The following NFX1 variants were observed in gnomAD, a reference collection of about 807,000 sequenced individuals.
NFX1 encodes nuclear transcription factor, X-box binding 1.
NFX1 carries 69 observed loss-of-function variants against 137.2 expected under a neutral mutation model. The ratio of observed to expected loss-of-function variants is 0.50; its 90% CI spans 0.41 to 0.61. The LOEUF is 0.61. NFX1 is among the 20% of genes least tolerant of loss of function. The probability of loss-of-function intolerance (pLI) is 0.00; values close to 1 mark genes in which losing one functional copy is unlikely to be tolerated. For synonymous variants in NFX1, 495 were observed against 474.1 expected (o/e 1.04, Z -0.57); for missense variants, 1,167 against 1,391.0 (o/e 0.84, Z 2.56).
At position 33,351,795 on chromosome 9, in the gene NFX1, G is replaced by A; in HGVS notation, c.2655+5G>A. On this transcript the variant is annotated splice_donor_5th_base_variant and intron_variant, in intron 16 of 23. Transcript: ENST00000379540. ...GTGACTGCTTGTAAAGCTAAGGTGG[G>A]TATTTCTGGCCACAGATGCAGCATT... The A allele has an allele frequency of 6.4e-7, 1 of 1,563,098 alleles. No individual in the cohort carries two copies. Among genetic ancestry groups the A allele is most frequent in the Middle Eastern group, 1.7e-4 (1 of 5,784 alleles).
chr9:33,369,158 C>T (rs527865724), intron 23 of NFX1, among the ~76,000 whole-genome samples: 38 of 152,236 alleles, frequency 2.5e-4, no homozygotes, highest in African/African-American at 1.9e-4. Flanking sequence ...CTCCGCCTCC[C>T]GGGTTCATGC....
At chr9:33,315,642 T>G (rs1448047793) in intron 7 of NFX1, among the ~76,000 whole-genome samples, 1 of 151,540 alleles carries the variant, frequency 6.6e-6, no homozygotes, top group East Asian at 2.0e-4. Context: ...GCTCATGCAC[T>G]CTGGGAGGCC....
chr9:33,306,464 T>C (rs1458829078), intron 4 of NFX1, among the ~76,000 whole-genome samples: 1 of 152,180 alleles, frequency 6.6e-6, no homozygotes, highest in Non-Finnish European at 1.5e-5. Context: ...TGGGGATCAA[T>C]GGCCTTTAGG....
At chr9:33,312,588 C>T (rs1361019454) in intron 6 of NFX1, among the ~76,000 whole-genome samples, 4 of 152,188 alleles carry the variant, frequency 2.6e-5, no homozygotes, top group Admixed American at 1.3e-4. Context: ...GTACTTTTTG[C>T]GGCTGGGCGC....
chr9:33,300,212 A>G (rs1438375901), intron 2 of NFX1, among the ~76,000 whole-genome samples: 1 of 150,044 alleles, frequency 6.7e-6, no homozygotes, highest in Non-Finnish European at 1.5e-5. Context: ...TTACAGCCAC[A>G]CTCCACCACG....
At chr9:33,319,542 CT>C (rs1419855833) in intron 9 of NFX1, among the ~76,000 whole-genome samples, 17 of 152,180 alleles carry the variant, frequency 1.1e-4, no homozygotes, top group Admixed American at 7.2e-4. Flanking sequence ...CAGAGTCTCG[CT>C]CTGTCGCCCC....
chr9:33,360,613 A>G (rs539254224), intron 19 of NFX1, among the ~76,000 whole-genome samples: 1 of 152,226 alleles, frequency 6.6e-6, no homozygotes, highest in Non-Finnish European at 1.5e-5. Context: ...AGTTATATCT[A>G]TATATACACA....
rs531604802 is a variant in NFX1 at position 33,356,848 on chromosome 9, A to G, written c.2873+1956A>G. Among the ~76,000 whole-genome samples, 6 of 152,206 alleles carry G rather than the reference A, an allele frequency of 3.9e-5. No individual in the cohort carries two copies. The East Asian group carries it at 1.2e-3, about 29-fold the overall frequency. ...TACAAAAAATAAAATAAAATTAGCC[A>G]GGTGTGGTGGTGCACACCTGTAGTC... On this transcript the variant is annotated intron_variant, in intron 19 of 23. Transcript: ENST00000379540.
At chr9:33,329,878 C>CA (rs762752283) in intron 10 of NFX1, among the ~76,000 whole-genome samples, 7 of 151,802 alleles carry the variant, frequency 4.6e-5, no homozygotes, top group Non-Finnish European at 1.0e-4. Flanking sequence ...AGGCTGGTCT[C>CA]AAACTCCTGA....
In NFX1 at chr9:33,366,722, A is replaced by G. The variant is rs779592892; in HGVS notation, c.3133A>G (p.Ser1045Gly). The G allele has an allele frequency of 1.2e-6, 2 of 1,614,118 alleles. No homozygotes were observed. Among genetic ancestry groups the G allele is most frequent in the South Asian group, 2.2e-5 (2 of 91,076 alleles). The change falls in exon 22 of 24, where the codon AGC (serine) becomes GGC (glycine). Residue 1045 changes from serine to glycine, a missense_variant. Ser to Gly is a moderately conservative substitution (Grantham distance 56). Transcript: ENST00000379540. ...CTTGGCCCAAGTTTATGGCCTGGAGAGCGTGAGCTATGACAGTGAACCGAA... is the reference window on the plus strand; with the variant it reads ...CTTGGCCCAAGTTTATGGCCTGGAGGGCGTGAGCTATGACAGTGAACCGAA... ...HDLAQVYGLESVSYDSEPKRN... is the reference protein window; with the variant it reads ...HDLAQVYGLEGVSYDSEPKRN...
chr9:33,293,522 C>T (rs1414354837), intron 1 of NFX1, among the ~76,000 whole-genome samples: 1 of 152,182 alleles, frequency 6.6e-6, no homozygotes, highest in Non-Finnish European at 1.5e-5. Flanking sequence ...GAAAATGGGG[C>T]TAAGTAACTT....
chr9:33,300,638 A>G (rs1311451058), intron 2 of NFX1, among the ~76,000 whole-genome samples: 2 of 152,212 alleles, frequency 1.3e-5, no homozygotes, highest in Non-Finnish European at 2.9e-5. Context: ...GTATTCAGGA[A>G]TAGATCTGGG....
chr9:33,301,941 G>A (rs893209073), intron 3 of NFX1, among the ~76,000 whole-genome samples: 19 of 152,140 alleles, frequency 1.2e-4, no homozygotes, highest in Admixed American at 7.2e-4. Flanking sequence ...GCGTGGTGGC[G>A]GGCACCTGTA....
At chr9:33,306,272 G>A (rs547497959) in intron 4 of NFX1, among the ~76,000 whole-genome samples, 1 of 152,310 alleles carries the variant, frequency 6.6e-6, no homozygotes, top group African/African-American at 2.4e-5. Flanking sequence ...TGACAGAGTT[G>A]ACGTCACTGA....
At chr9:33,307,108 C>T in intron 4 of NFX1, 86 bp from the exon 5 acceptor site, 1 of 953,732 alleles carries the variant, frequency 1.0e-6, no homozygotes, top group Non-Finnish European at 1.6e-6. Context: ...AAGTTGCATG[C>T]TGCCTAGCTA....
intron 15 of NFX1, among the ~76,000 whole-genome samples, chr9:33,349,092 A>C (rs942099701): frequency 6.6e-6 from 1 of 152,178 alleles, no homozygotes; most frequent in Non-Finnish European, 1.5e-5. Context: ...ATCCATTCTA[A>C]AACATCAATG....
Position 33,290,542 on chromosome 9 carries a change from G to A in NFX1, c.-31G>A. On this transcript the variant is annotated 5_prime_UTR_variant, in exon 1 of 24. Transcript: ENST00000379540. The stretch of plus-strand genomic sequence containing the variant: ...ACCTGGTGACAGTGCTGACTTGGCT[G>A]TACAGCTCGATCTAGGTTCTGCGGC... 3 of 1,613,772 alleles carry A rather than the reference G, an allele frequency of 1.9e-6. No homozygotes were observed. The highest frequency in any genetic ancestry group is 2.5e-6 in the Non-Finnish European group (3 of 1,179,810).
intron 20 of NFX1, among the ~76,000 whole-genome samples, chr9:33,364,438 A>G (rs950987744): frequency 6.6e-6 from 1 of 152,068 alleles, no homozygotes; most frequent in African/African-American, 2.4e-5. Flanking sequence ...TCACATTCAC[A>G]TGCGTTCTCA....
chr9:33,355,356 CG>C (rs1823774477), intron 19 of NFX1, among the ~76,000 whole-genome samples: 1 of 152,092 alleles, frequency 6.6e-6, no homozygotes, highest in Non-Finnish European at 1.5e-5. Context: ...TTACCAGAAC[CG>C]TCTCTTGTAC....
Sources: gnomAD v4.1 joint callset for allele counts (sites outside exome capture counted in the v4.1 genomes callset) on GRCh38, gnomAD v4.1.1 for gene constraint, MANE v1.5 for transcripts, NCBI Gene and HGNC (gene_info 2026-07-23, HGNC 2026-07-21) for gene names.